Variants in KAZN observed in about 807,000 individuals in gnomAD.
The protein encoded by KAZN is kazrin.
KAZN carries 40 observed loss-of-function variants against 87.4 expected under a neutral mutation model. The ratio of observed to expected loss-of-function variants is 0.46; its 90% CI spans 0.36 to 0.60. The LOEUF (loss-of-function observed/expected upper bound fraction) is 0.60. Ranked by LOEUF, KAZN falls within the 20% of genes least tolerant of loss-of-function variation. KAZN has a pLI of 0.00. For missense variants in KAZN, 898 were observed against 1,073.9 expected (o/e 0.84, Z 2.29); for synonymous variants, 466 against 458.3 (o/e 1.02, Z -0.22).
intron 2 of KAZN, among the ~76,000 whole-genome samples, chr1:14,241,902 C>T (rs1011009226): frequency 8.5e-5 from 13 of 152,186 alleles, no homozygotes; most frequent in Admixed American, 5.2e-4. Flanking sequence ...TCCTTTTCCT[C>T]GTACCCCACC....
rs184896339 is a variant in KAZN, at chr1:15,036,955, G to A, written c.555+2070G>A. Among the ~76,000 whole-genome samples, 9 of 152,272 alleles carry A rather than the reference G, an allele frequency of 5.9e-5. No individual in the cohort carries two copies. In the East Asian group the frequency reaches 1.7e-3, roughly 29 times the overall value. Reference sequence around the variant, plus strand: ...ATAACTCACCCACGGTCATGCAGCCGGCGATGGCAGGGCAGGGGCTTACAG... The same window carrying A: ...ATAACTCACCCACGGTCATGCAGCCAGCGATGGCAGGGCAGGGGCTTACAG... On this transcript the variant is annotated intron_variant, in intron 3 of 14. Coordinates refer to ENST00000376030, the MANE Select transcript of KAZN (RefSeq NM_201628.3).
In KAZN at chr1:15,081,025, G is replaced by T. The variant is rs1034479753; in HGVS notation, c.1223-13155G>T. 2.6e-5 allele frequency among the ~76,000 whole-genome samples: 4 copies of T among 152,374 alleles called. No individual in the cohort carries two copies. In the East Asian group the frequency reaches 7.7e-4, roughly 29 times the overall value. On this transcript the variant is annotated intron_variant, in intron 8 of 14. Coordinates refer to ENST00000376030, the MANE Select transcript of KAZN (RefSeq NM_201628.3). The surrounding 1 kb of genome is among the most constrained non-coding windows in gnomAD (Gnocchi z 4.1). ...GCCGTAGGCAGAGGGACAAGAGAAT[G>T]GTAGCATCTACTGCATAAGAGGGGC... is the stretch of plus-strand genomic sequence containing the variant.
rs148983905 is a variant in KAZN at position 14,170,454 on chromosome 1, C to G, written c.92-9981C>G. Among the ~76,000 whole-genome samples, 30 of 152,182 alleles carry G rather than the reference C, an allele frequency of 2.0e-4. 1 individual carries two copies. In the East Asian group the frequency reaches 5.6e-3, roughly 28 times the overall value. Reference sequence around the variant, plus strand: ...CCAGTGGTAGGGTCAGCAGTGGCATCCTTACATGCCAGAGACCACTCCAGT... The same window carrying G: ...CCAGTGGTAGGGTCAGCAGTGGCATGCTTACATGCCAGAGACCACTCCAGT... On this transcript the variant is annotated intron_variant, in intron 1 of 16. Transcript: ENST00000636203.
intron 2 of KAZN, among the ~76,000 whole-genome samples, chr1:14,396,409 T>A (rs189497607): frequency 5.6e-4 from 86 of 152,276 alleles, no homozygotes; most frequent in Non-Finnish European, 9.3e-4. Context: ...GGCTTAGACA[T>A]ACAGGTTCCA....
intron 1 of KAZN, among the ~76,000 whole-genome samples, chr1:14,111,740 CTTT>C (rs68167208): frequency 6.2e-5 from 5 of 80,762 alleles, no homozygotes; most frequent in Non-Finnish European, 2.5e-5. Flanking sequence ...AGATTCTTTT[CTTT>C]TTTTTTTTTT....
chr1:14,319,008 ATTTTTATT>A lies in KAZN; in HGVS notation c.249+138418_249+138425del, dbSNP rs1309319831. On this transcript the variant is annotated intron_variant, in intron 2 of 16. Coordinates refer to the KAZN transcript ENST00000636203. ...CTGGGCCTGTTTCTGTTGACCTTTT[ATTTTTATT>A]TATTTATTTATTTATTTATTTATTT... is the stretch of plus-strand genomic sequence containing the variant. Among the ~76,000 whole-genome samples the A allele has an allele frequency of 4.8e-5, 6 of 125,752 alleles. No homozygotes were observed. In the South Asian group the frequency reaches 1.0e-3, roughly 21 times the overall value. The allele number at this position is 125,752 out of a possible 152,430, so 82.5% of individuals were successfully genotyped here. A position where few individuals can be genotyped will look rare whatever the true frequency, so the allele number is the denominator to read the frequency against.
At chr1:14,925,138 G>A (rs1261676976) in intron 1 of KAZN, among the ~76,000 whole-genome samples, 2 of 152,218 alleles carry the variant, frequency 1.3e-5, no homozygotes, top group Non-Finnish European at 2.9e-5. Context: ...CGTTTGGTTG[G>A]CGAATCCGCC....
intron 1 of KAZN, among the ~76,000 whole-genome samples, chr1:14,727,435 T>C (rs1295231216): frequency 6.9e-6 from 1 of 144,974 alleles, no homozygotes; most frequent in Non-Finnish European, 1.5e-5. Flanking sequence ...GTCCATCACA[T>C]TTATTGTGCA....
intron 2 of KAZN, among the ~76,000 whole-genome samples, chr1:14,966,660 G>T (rs1353386373): frequency 1.3e-5 from 2 of 152,054 alleles, no homozygotes; most frequent in Non-Finnish European, 2.9e-5. Context: ...TTTGAAATGG[G>T]TATTTTACCC....
chr1:13,934,946 A>C (rs901262485), intron 1 of KAZN, among the ~76,000 whole-genome samples: 1 of 152,078 alleles, frequency 6.6e-6, no homozygotes, highest in African/African-American at 2.4e-5. Flanking sequence ...CATAATAATA[A>C]GCCTTCAGGG....
chr1:14,619,031 C>T (rs113500654), intron 1 of KAZN, among the ~76,000 whole-genome samples: 3 of 151,776 alleles, frequency 2.0e-5, no homozygotes, highest in East Asian at 1.9e-4. Context: ...GCCAGTGTTT[C>T]GGTTTGGCTC....
intron 2 of KAZN, among the ~76,000 whole-genome samples, chr1:15,027,744 A>G (rs998646470): frequency 6.6e-6 from 1 of 152,096 alleles, no homozygotes; most frequent in East Asian, 1.9e-4. Context: ...CTCTGAGCGC[A>G]TGTTTGTCCA....
At chr1:14,113,442 C>T (rs1570766931) in intron 1 of KAZN, among the ~76,000 whole-genome samples, 1 of 152,176 alleles carries the variant, frequency 6.6e-6, no homozygotes. Flanking sequence ...CCGAAAAATG[C>T]AGGCGTACAA....
At chr1:14,100,569 T>A (rs977896547) in intron 1 of KAZN, among the ~76,000 whole-genome samples, 3 of 152,204 alleles carry the variant, frequency 2.0e-5, no homozygotes, top group Admixed American at 6.5e-5. Flanking sequence ...AGCAATGAGC[T>A]GTGACAATAT....
At chr1:14,909,484 T>G (rs896088928) in intron 1 of KAZN, among the ~76,000 whole-genome samples, 16 of 152,226 alleles carry the variant, frequency 1.1e-4, no homozygotes, top group African/African-American at 3.9e-4. Context: ...ATCTTGGCTG[T>G]GTGCCTGAGT....
At chr1:14,305,884 G>C (rs1654889544) in intron 2 of KAZN, among the ~76,000 whole-genome samples, 1 of 152,196 alleles carries the variant, frequency 6.6e-6, no homozygotes, top group East Asian at 1.9e-4. Flanking sequence ...AAGCACCTTA[G>C]GTTTGGCAGG....
intron 1 of KAZN, among the ~76,000 whole-genome samples, chr1:13,915,234 A>G (rs148236400): frequency 8.3e-4 from 126 of 152,340 alleles, no homozygotes; most frequent in Non-Finnish European, 9.4e-4. Context: ...GGCGAAACCA[A>G]AAAAATCTTA....
chr1:14,415,183 CATT>C (rs1471163156), intron 2 of KAZN, among the ~76,000 whole-genome samples: 1 of 152,060 alleles, frequency 6.6e-6, no homozygotes, highest in Non-Finnish European at 1.5e-5. Context: ...GTGTCAGCTA[CATT>C]ATTCTCATTA....
In KAZN at chr1:14,070,167, C is replaced by CA. The variant is rs61327562; in HGVS notation, c.92-110255dup. Among the ~76,000 whole-genome samples the CA allele has an allele frequency of 1.0e-3, 76 of 72,870 alleles. 3 individuals carry two copies. Among genetic ancestry groups the CA allele is most frequent in the Middle Eastern group, 0.012 (1 of 84 alleles). The allele number at this position is 72,870 out of a possible 152,430, so 47.8% of individuals were successfully genotyped here. On this transcript the variant is annotated intron_variant, in intron 1 of 16. Coordinates refer to the KAZN transcript ENST00000636203. ...TTGGCGACAGTGCGAGACTCCATCT[C>CA]AAAAAAAAAAAAAGTAAATAAATAA...
Sources: allele counts gnomAD v4.1 joint callset (sites outside exome capture counted in the v4.1 genomes callset), GRCh38; gene constraint gnomAD v4.1.1; non-coding constraint Gnocchi (gnomAD v3.1); transcripts MANE v1.5; gene names NCBI Gene and HGNC (gene_info 2026-07-23, HGNC 2026-07-21).